The following MTPAP variants were observed in gnomAD, a reference collection of about 807,000 sequenced individuals.
MTPAP encodes the protein mitochondrial poly(A) polymerase, also known as poly(A) RNA polymerase, mitochondrial.
A neutral mutation model predicts 48.7 loss-of-function variants in MTPAP; 23 were observed. That is an observed-to-expected ratio of 0.47 (90% CI 0.34 to 0.67). The LOEUF (loss-of-function observed/expected upper bound fraction) is 0.67, where lower values mean the gene tolerates loss of function less well. Among genes scored for constraint, MTPAP ranks in the 30% least tolerant of loss-of-function variants. MTPAP has a pLI of 0.01. For missense variants in MTPAP, 614 were observed against 694.3 expected, an observed-to-expected ratio of 0.88 and a Z score of 1.30; for synonymous variants, 257 against 254.1, an observed-to-expected ratio of 1.01 and a Z score of -0.11.
chr10:30,322,616 T>C lies in MTPAP; in HGVS notation c.994A>G (p.Ile332Val). 6.2e-7 allele frequency: 1 copy of C among 1,603,450 alleles called. No homozygotes were observed. The highest frequency in any genetic ancestry group is 8.5e-7 in the Non-Finnish European group (1 of 1,171,748). Reference protein sequence around the residue: ...FQCDLTTNNRIALTSSELLYI... With the variant: ...FQCDLTTNNRVALTSSELLYI... ...AGGAGTTCGGAACTTGTCAAGGCAA[T>C]CCTTCAAAAAATAAAAATAAGAAAA... The change falls in exon 6 of 9, where the codon ATT (isoleucine) becomes GTT (valine). Residue 332 changes from isoleucine (I) to valine (V), a missense_variant and splice_region_variant. Physicochemically the swap from Ile to Val is conservative, Grantham distance 29. This residue lies in a region of MTPAP where 261 missense variants were observed against 355.4 expected (regional missense o/e 0.73). Transcript: ENST00000263063.
chr10:30,338,181 G>C (rs879624263), intron 3 of MTPAP, among the ~76,000 whole-genome samples: 5 of 152,150 alleles, frequency 3.3e-5, no homozygotes, highest in Admixed American at 1.3e-4. Context: ...GGTCACTTGA[G>C]TCCAGGAGTA....
chr10:30,316,807 T>C (rs1171916667), intron 6 of MTPAP, among the ~76,000 whole-genome samples: 1 of 151,908 alleles, frequency 6.6e-6, no homozygotes, highest in Non-Finnish European at 1.5e-5. Context: ...CGAGAATCGC[T>C]TGAACCCAGG....
At chr10:30,348,948 G>A in intron 1 of MTPAP, 171 bp downstream of exon 1, 1 of 898,902 alleles carries the variant, frequency 1.1e-6, no homozygotes. Flanking sequence ...CTCAGCAACG[G>A]CGGCGACCCT....
chr10:30,340,672 A>C (rs1403138234), intron 2 of MTPAP, among the ~76,000 whole-genome samples: 1 of 152,172 alleles, frequency 6.6e-6, no homozygotes, highest in African/African-American at 2.4e-5. Flanking sequence ...TAATCCCAGC[A>C]CTTTGGGACA....
chr10:30,334,092 A>C (rs1834702471), intron 4 of MTPAP, among the ~76,000 whole-genome samples: 1 of 152,180 alleles, frequency 6.6e-6, no homozygotes, highest in Non-Finnish European at 1.5e-5. Flanking sequence ...GGAGATACAT[A>C]CATCAGCTAC....
In MTPAP at chr10:30,327,805, C is replaced by T. The variant is rs182775304; in HGVS notation, c.781-1170G>A. On this transcript the variant is annotated intron_variant, in intron 4 of 8. Transcript: ENST00000263063. ...AGGTTGCAGTGAGTCGAGATCACAC[C>T]ACTGCACTCCAGCCTGGGTGACAAA... is the stretch of plus-strand genomic sequence containing the variant. Among the ~76,000 whole-genome samples, 5 of 148,856 alleles carry T rather than the reference C, an allele frequency of 3.4e-5. No homozygotes were observed. In the East Asian group the frequency reaches 7.9e-4, roughly 24 times the overall value.
At position 30,311,262 on chromosome 10, in the gene MTPAP, T is replaced by C. The variant is rs1398732498; in HGVS notation, c.*2347A>G. On this transcript the variant is annotated 3_prime_UTR_variant, in exon 9 of 9. Transcript: ENST00000263063. Reference sequence around the variant, plus strand: ...CGCCTGTACAGAACACTGATATTTGTTGGTGTCAAATGTGCAATCCAATAG... The same window carrying C: ...CGCCTGTACAGAACACTGATATTTGCTGGTGTCAAATGTGCAATCCAATAG... 1 of 152,218 alleles carries C rather than the reference T, an allele frequency of 6.6e-6. No homozygotes were observed. Among genetic ancestry groups the C allele is most frequent in the Non-Finnish European group, 1.5e-5 (1 of 68,048 alleles). 9.4% of individuals were successfully genotyped at this position (152,218 alleles called of 1,614,324 possible). A position where few individuals can be genotyped will look rare whatever the true frequency, so the allele number is the denominator to read the frequency against.
At chr10:30,323,731 C>G (rs1265947552) in intron 5 of MTPAP, among the ~76,000 whole-genome samples, 1 of 152,132 alleles carries the variant, frequency 6.6e-6, no homozygotes, top group Non-Finnish European at 1.5e-5. Flanking sequence ...AGGATGGTCT[C>G]AATCTCCTGA....
intron 3 of MTPAP, 44 bp downstream of exon 3, chr10:30,340,179 TAAA>T (rs766033144): frequency 6.9e-7 from 1 of 1,439,764 alleles, no homozygotes; most frequent in African/African-American, 1.4e-5. Flanking sequence ...TTATTGTTCA[TAAA>T]AAAATACATA....
rs116577422 is a variant in MTPAP at position 30,346,698 on chromosome 10, T to C, written c.157+2421A>G. Among the ~76,000 whole-genome samples the C allele has an allele frequency of 2.6e-3, 391 of 152,304 alleles. 2 individuals are homozygous for C. The highest frequency in any genetic ancestry group is 8.7e-3 in the African/African-American group (363 of 41,548). ...GCATCCAAACAACAGCTAAACCTGTTCAGGTAACAGTTCTGGTAACAGCAC... is the reference window on the plus strand; with the variant it reads ...GCATCCAAACAACAGCTAAACCTGTCCAGGTAACAGTTCTGGTAACAGCAC... On this transcript the variant is annotated intron_variant, in intron 1 of 8. Transcript: ENST00000263063.
At chr10:30,341,195 A>C (rs929207517) in intron 2 of MTPAP, among the ~76,000 whole-genome samples, 1 of 152,210 alleles carries the variant, frequency 6.6e-6, no homozygotes, top group African/African-American at 2.4e-5. Context: ...GCACTCCAGC[A>C]TAGGCCACAT....
intron 3 of MTPAP, 85 bp from the exon 4 acceptor site, chr10:30,337,112 G>T: frequency 8.5e-7 from 1 of 1,172,176 alleles, no homozygotes; most frequent in African/African-American, 1.5e-5. Context: ...AAGATTTGGT[G>T]GCGTTGAAGA....
chr10:30,334,010 T>A (rs1834701658), intron 4 of MTPAP, among the ~76,000 whole-genome samples: 1 of 152,152 alleles, frequency 6.6e-6, no homozygotes, highest in Non-Finnish European at 1.5e-5. Context: ...GTGAGCAAAT[T>A]AAGTACACAG....
chr10:30,316,748 G>A (rs1840667377), intron 6 of MTPAP, among the ~76,000 whole-genome samples: 1 of 151,902 alleles, frequency 6.6e-6, no homozygotes, highest in African/African-American at 2.4e-5. Flanking sequence ...AAATTAGCCA[G>A]GCATGGTGGC....
At chr10:30,344,354 G>C (rs577359699) in intron 1 of MTPAP, among the ~76,000 whole-genome samples, 1 of 152,202 alleles carries the variant, frequency 6.6e-6, no homozygotes, top group African/African-American at 2.4e-5. Context: ...ATCTTGCTCA[G>C]GTCTGTGAAG....
chr10:30,336,699 A>G (rs1018988482), intron 4 of MTPAP, 104 bp downstream of exon 4: 19 of 935,606 alleles, frequency 2.0e-5, no homozygotes, highest in Middle Eastern at 6.5e-4. Context: ...ACAATGTTTA[A>G]TAAGTTTAGA....
At position 30,316,118 on chromosome 10, in the gene MTPAP, C is replaced by T; in HGVS notation, c.1312G>A (p.Glu438Lys). Reference protein sequence around the residue: ...IKPSQNTETLELLLKEFFEYF... With the variant: ...IKPSQNTETLKLLLKEFFEYF... ...ATCAAGTAAACAGAAAGACACTTAC[C>T]TAATGTTTCTGTGTTCTGTGAAGGT... The change falls in exon 7 of 9, where the codon GAA (glutamate) becomes AAA (lysine). Residue 438 changes from glutamate to lysine, a missense_variant and splice_region_variant. By Grantham distance (56) the Glu-to-Lys change is moderately conservative. This residue lies in a region of MTPAP where 261 missense variants were observed against 355.4 expected (regional missense o/e 0.73). Coordinates refer to ENST00000263063, the MANE Select transcript of MTPAP (RefSeq NM_018109.4). 2 of 1,612,430 alleles carry T rather than the reference C, an allele frequency of 1.2e-6. No individual in the cohort carries two copies. Among genetic ancestry groups the T allele is most frequent in the Non-Finnish European group, 1.7e-6 (2 of 1,178,502 alleles).
At chr10:30,329,668 A>G (rs945427517) in intron 4 of MTPAP, among the ~76,000 whole-genome samples, 1 of 152,122 alleles carries the variant, frequency 6.6e-6, no homozygotes, top group Non-Finnish European at 1.5e-5. Flanking sequence ...TTATTTCTCT[A>G]ATGTATAATC....
At chr10:30,338,406 G>C (rs1834756785) in intron 3 of MTPAP, among the ~76,000 whole-genome samples, 1 of 152,148 alleles carries the variant, frequency 6.6e-6, no homozygotes, top group Non-Finnish European at 1.5e-5. Context: ...GGGCTCGGTG[G>C]CTCATGCCTG....
Sources: allele counts gnomAD v4.1 joint callset (sites outside exome capture counted in the v4.1 genomes callset), GRCh38; gene constraint gnomAD v4.1.1; regional missense constraint gnomAD v4.1.1; transcripts MANE v1.5; gene names NCBI Gene and HGNC (gene_info 2026-07-23, HGNC 2026-07-21).